SOD2: variants seen among roughly 807,000 people sequenced by gnomAD.
SOD2 encodes superoxide dismutase 2, also known as superoxide dismutase [Mn], mitochondrial.
A neutral mutation model predicts 27.0 loss-of-function variants in SOD2; 11 were observed. The observed-to-expected ratio is 0.41, with a 90% CI of 0.26 to 0.67. SOD2 has a LOEUF of 0.67. SOD2 is among the 30% of genes least tolerant of loss of function. The pLI is 0.34. For synonymous variants in SOD2, 105 were observed against 103.0 expected, an observed-to-expected ratio of 1.02 and a Z score of -0.12; for missense variants, 250 against 274.5, an observed-to-expected ratio of 0.91 and a Z score of 0.63.
chr6:159,720,847 CT>C (rs763455003), intron 1 of SOD2, among the ~76,000 whole-genome samples: 89 of 59,952 alleles, frequency 1.5e-3, no homozygotes, highest in East Asian at 6.6e-3. Context: ...TTTTCTTTAC[CT>C]TTTTTTTTTT....
intron 1 of SOD2, among the ~76,000 whole-genome samples, chr6:159,733,454 C>CA (rs1019045647): frequency 6.9e-5 from 5 of 72,042 alleles, no homozygotes; most frequent in African/African-American, 9.5e-5. Context: ...CTGTCTCTAC[C>CA]AAAAAAAATT....
chr6:159,731,016 C>G (rs886355488), upstream of SOD2: 2 of 152,206 alleles, frequency 1.3e-5, no homozygotes, highest in East Asian at 3.9e-4. Context: ...TGGTGCGTGC[C>G]TGTAGTTCCA....
chr6:159,688,940 C>A (rs1385954454), intron 2 of SOD2, among the ~76,000 whole-genome samples: 3 of 152,202 alleles, frequency 2.0e-5, no homozygotes, highest in African/African-American at 7.2e-5. Flanking sequence ...TTCTCCCTAA[C>A]TCTACTGCCA....
upstream of SOD2, among the ~76,000 whole-genome samples, chr6:159,745,530 A>G (rs942157001): frequency 6.6e-6 from 1 of 152,028 alleles, no homozygotes; most frequent in African/African-American, 2.4e-5. Flanking sequence ...TTTTGCAGAC[A>G]GGGCAGGGCA....
chr6:159,672,689 G>A lies in SOD2; in HGVS notation c.*9804C>T, dbSNP rs948364167. 2 of 152,078 alleles carry A rather than the reference G, an allele frequency of 1.3e-5. No individual in the cohort carries two copies. The highest frequency in any genetic ancestry group is 2.1e-4 in the South Asian group (1 of 4,828). The allele number at this position is 152,078 out of a possible 1,614,324, so 9.4% of individuals were successfully genotyped here. A position where few individuals can be genotyped will look rare whatever the true frequency, so the allele number is the denominator to read the frequency against. ...CTAGGAAGAAACTGCATCAACTAAC[G>A]AGCAAAATAACCAGTGAACATCCTA... On this transcript the variant is annotated 3_prime_UTR_variant, in exon 5 of 5. Coordinates refer to ENST00000538183, the MANE Select transcript of SOD2 (RefSeq NM_000636.4).
At chr6:159,712,484 AGCTGCTCTGACCTC>A (rs1777833134) in intron 1 of SOD2, among the ~76,000 whole-genome samples, 1 of 37,826 alleles carries the variant, frequency 2.6e-5, no homozygotes, top group Non-Finnish European at 6.7e-5. Flanking sequence ...ACCACCACTC[AGCTGCTCTGACCTC>A]CATAACCACC....
intron 1 of SOD2, among the ~76,000 whole-genome samples, chr6:159,744,839 G>A (rs906146313): frequency 2.0e-5 from 3 of 152,006 alleles, no homozygotes; most frequent in Admixed American, 1.3e-4. Context: ...GCCACCAAGC[G>A]CAGCTAATTT....
upstream of SOD2, chr6:159,749,234 G>A: frequency 1.0e-6 from 1 of 985,794 alleles, no homozygotes. Context: ...GATTGTATAA[G>A]GATATTAGCT....
rs899753657 is a variant in SOD2 at position 159,671,901 on chromosome 6, C to T, written c.*10592G>A. 3.9e-5 allele frequency: 6 copies of T among 152,114 alleles called. No homozygotes were observed. Among genetic ancestry groups the T allele is most frequent in the African/African-American group, 1.4e-4 (6 of 41,422 alleles). 9.4% of individuals were successfully genotyped at this position (152,114 alleles called of 1,614,324 possible). A position where few individuals can be genotyped will look rare whatever the true frequency, so the allele number is the denominator to read the frequency against. ...CCAGCATAGAGAAGTCCTTAAATGA[C>T]CTGATGGAGCTGAAAACCATGGCAT... On this transcript the variant is annotated 3_prime_UTR_variant, in exon 5 of 5. Transcript: ENST00000538183.
upstream of SOD2, among the ~76,000 whole-genome samples, chr6:159,695,890 C>T (rs1378972040): frequency 6.6e-6 from 1 of 152,146 alleles, no homozygotes; most frequent in Non-Finnish European, 1.5e-5. Flanking sequence ...TTACTCCAGC[C>T]AGCTCAGGAT....
chr6:159,726,932 A>G lies in SOD2; in HGVS notation c.-116+197T>C, dbSNP rs547462800. 8 of 1,288,692 alleles carry G rather than the reference A, an allele frequency of 6.2e-6. No homozygotes were observed. In the South Asian group the frequency reaches 8.6e-5, roughly 14 times the overall value. The allele number at this position is 1,288,692 out of a possible 1,614,324, so 79.8% of individuals were successfully genotyped here. A position where few individuals can be genotyped will look rare whatever the true frequency, so the allele number is the denominator to read the frequency against. On this transcript the variant is annotated intron_variant, in intron 1 of 2. Coordinates refer to the SOD2 transcript ENST00000401980. Reference sequence around the variant, plus strand: ...TTGAGGTGGCACCTGGTCCTCCGACACGCGGAAGCATCACGGATGAGCGTC... The same window carrying G: ...TTGAGGTGGCACCTGGTCCTCCGACGCGCGGAAGCATCACGGATGAGCGTC...
intron 1 of SOD2, among the ~76,000 whole-genome samples, chr6:159,759,062 TC>T (rs751749905): frequency 8.4e-4 from 126 of 149,802 alleles, no homozygotes; most frequent in Non-Finnish European, 1.4e-3. Context: ...TTATTTTATT[TC>T]TTTTTTTTTT....
intron 1 of SOD2, 96 bp from the exon 2 acceptor site, chr6:159,692,959 GTCCCCGCGTCCCCTCCCTGCGGA>G: frequency 7.4e-7 from 1 of 1,352,472 alleles, no homozygotes; most frequent in Non-Finnish European, 9.7e-7. Context: ...CGTCCCCCGA[GTCCCCGCGTCCCCTCCCTGCGGA>G]TCCCCGCTCC....
rs898699058 is a variant in SOD2, at chr6:159,736,452, T to C, written c.-116+8678A>G. ...CAATAATAGCATTGGAGTTGTACAG[T>C]GTGCCAGATATTGTATCTTATATCC... is the stretch of plus-strand genomic sequence containing the variant. On this transcript the variant is annotated intron_variant, in intron 1 of 3. Coordinates refer to the SOD2 transcript ENST00000537657. The C allele has an allele frequency of 8.4e-6, 5 of 594,550 alleles. No individual in the cohort carries two copies. The Admixed American group carries it at 1.3e-4, about 15-fold the overall frequency. The allele number at this position is 594,550 out of a possible 1,614,324, so 36.8% of individuals were successfully genotyped here.
chr6:159,701,731 G>C lies in SOD2; in HGVS notation c.-115-8868C>G, dbSNP rs80199774. 2.0e-5 allele frequency among the ~76,000 whole-genome samples: 3 copies of C among 152,282 alleles called. No individual in the cohort carries two copies. The East Asian group carries it at 5.8e-4, about 29-fold the overall frequency. ...TTACTGTTAATAGTCACACATCAGT[G>C]CTATGGTAGAATCTCAAAATCTCCC... On this transcript the variant is annotated intron_variant, in intron 1 of 2. Coordinates refer to the SOD2 transcript ENST00000401980.
At chr6:159,720,594 G>A (rs1778016713) in intron 1 of SOD2, 1 of 152,298 alleles carries the variant, frequency 6.6e-6, no homozygotes, top group Non-Finnish European at 1.5e-5. Flanking sequence ...GTGACTTGAA[G>A]CTGGTTAGAT....
rs1334509393 is a variant in SOD2, at chr6:159,681,801, A to G, written c.*692T>C. On this transcript the variant is annotated 3_prime_UTR_variant, in exon 5 of 5. Coordinates refer to ENST00000538183, the MANE Select transcript of SOD2 (RefSeq NM_000636.4). Reference sequence around the variant, plus strand: ...TCATCATGGAGATTGGGTCTCAAGCATGAGCTGCCCAATTCTCCTTGCTTG... The same window carrying G: ...TCATCATGGAGATTGGGTCTCAAGCGTGAGCTGCCCAATTCTCCTTGCTTG... 1 of 152,214 alleles carries G rather than the reference A, an allele frequency of 6.6e-6. No homozygotes were observed. Among genetic ancestry groups the G allele is most frequent in the Non-Finnish European group, 1.5e-5 (1 of 68,044 alleles). The allele number at this position is 152,214 out of a possible 1,614,324, so 9.4% of individuals were successfully genotyped here. A position where few individuals can be genotyped will look rare whatever the true frequency, so the allele number is the denominator to read the frequency against.
intron 1 of SOD2, chr6:159,742,273 G>GT: frequency 1.4e-6 from 1 of 724,942 alleles, no homozygotes; most frequent in Non-Finnish European, 2.2e-6. Context: ...ACTGTACATA[G>GT]GCACTGTGTT....
chr6:159,755,675 TA>T, intron 1 of SOD2: 1 of 1,384,730 alleles, frequency 7.2e-7, no homozygotes, highest in Non-Finnish European at 9.3e-7. Flanking sequence ...TCCAGAAAAT[TA>T]ATGCATACTT....
Sources: allele counts gnomAD v4.1 joint callset (sites outside exome capture counted in the v4.1 genomes callset), GRCh38; gene constraint gnomAD v4.1.1; transcripts MANE v1.5; gene names NCBI Gene and HGNC (gene_info 2026-07-23, HGNC 2026-07-21).